The following ALG13 variants were observed in gnomAD, a reference collection of about 807,000 sequenced individuals.
The protein encoded by ALG13 is ALG13 UDP-N-acetylglucosaminyltransferase subunit.
A neutral mutation model predicts 87.8 loss-of-function variants in ALG13; 11 were observed. The observed-to-expected ratio is 0.13, with a 90% CI of 0.08 to 0.21. The LOEUF is 0.21. Among genes scored for constraint, ALG13 ranks in the 10% least tolerant of loss-of-function variants. The pLI, the probability that ALG13 is intolerant of heterozygous loss-of-function variation, is 1.00. For missense variants in ALG13, 756 were observed against 866.1 expected (o/e 0.87, Z 1.60); for synonymous variants, 320 against 306.3 (o/e 1.04, Z -0.47).
At chrX:111,740,035 G>A (rs147809209) in intron 23 of ALG13, among the ~76,000 whole-genome samples, 33 of 111,441 alleles carry the variant, frequency 3.0e-4, no homozygotes, top group African/African-American at 1.0e-3. Context: ...GACATAAGAC[G>A]TGATGGTAAG....
intron 3 of ALG13, chrX:111,689,856 T>C: frequency 1.3e-6 from 1 of 753,150 alleles, no homozygotes; most frequent in African/African-American, 2.3e-5. Flanking sequence ...CCTTGCAAGG[T>C]AGGTTTTGTT....
intron 3 of ALG13, chrX:111,688,341 GA>G: frequency 2.8e-6 from 2 of 716,312 alleles, no homozygotes; most frequent in Non-Finnish European, 3.3e-6. Flanking sequence ...ATACTCCTTA[GA>G]ATAAAAAAAT....
At chrX:111,759,711 A>T in intron 26 of ALG13, 23 bp from the exon 27 acceptor site, 1 of 1,174,132 alleles carries the variant, frequency 8.5e-7, no homozygotes, top group Non-Finnish European at 1.1e-6. Context: ...TATAAAGTAG[A>T]CTGTATACAT....
chrX:111,718,392 A>G (rs1180922099), intron 10 of ALG13, 118 bp downstream of exon 10: 1 of 542,690 alleles, frequency 1.8e-6, no homozygotes, highest in Non-Finnish European at 2.8e-6. Context: ...ACACGTACAC[A>G]TATGTTAGGA....
intron 19 of ALG13, 106 bp from the exon 20 acceptor site, chrX:111,730,289 A>G (rs1942533311): frequency 3.0e-6 from 2 of 668,669 alleles, no homozygotes; most frequent in African/African-American, 2.2e-5. Flanking sequence ...AGTTTTGAAC[A>G]TATAACCATA....
At chrX:111,727,868 T>A in intron 18 of ALG13, 98 bp downstream of exon 18, 1 of 900,733 alleles carries the variant, frequency 1.1e-6, no homozygotes, top group Admixed American at 4.0e-5. Flanking sequence ...TTTGTACAAA[T>A]AACCAAACAA....
At chrX:111,729,247 T>G (rs751786498) in intron 19 of ALG13, among the ~76,000 whole-genome samples, 1 of 111,748 alleles carries the variant, frequency 8.9e-6, no homozygotes, top group East Asian at 2.8e-4. Flanking sequence ...AATGTGTTTA[T>G]TTTTACCTTG....
intron 25 of ALG13, chrX:111,757,367 T>C: frequency 3.2e-6 from 1 of 315,384 alleles, no homozygotes; most frequent in Non-Finnish European, 5.5e-6. Context: ...CTAAAAGAAT[T>C]CTTAGGTTTA....
At position 111,757,578 on chromosome X, in the gene ALG13, C is replaced by T. The variant is rs1426077854; in HGVS notation, c.2974-10C>T. 1 of 1,163,197 alleles carries T rather than the reference C, an allele frequency of 8.6e-7. No individual in the cohort carries two copies. The highest frequency in any genetic ancestry group is 2.5e-5 in the Admixed American group (1 of 40,071). ...GTTTCTTATTTTTTTGTTGCCCTTT[C>T]TTGCTCAAGTGCTATTACCACAGCT... On this transcript the variant is annotated splice_polypyrimidine_tract_variant and intron_variant, in intron 25 of 26. Coordinates refer to ENST00000394780, the MANE Select transcript of ALG13 (RefSeq NM_001099922.3).
At chrX:111,711,255 C>T (rs190382301) in intron 5 of ALG13, among the ~76,000 whole-genome samples, 10 of 112,031 alleles carry the variant, frequency 8.9e-5, no homozygotes, top group African/African-American at 2.9e-4. Flanking sequence ...CTAAAAGGTT[C>T]GCTTGTCCCA....
chrX:111,684,638 T>C (rs1185005048), intron 2 of ALG13, among the ~76,000 whole-genome samples: 2 of 112,263 alleles, frequency 1.8e-5, no homozygotes, highest in Admixed American at 9.4e-5. Flanking sequence ...TTTCAACTTA[T>C]GATGGGGTTA....
At position 111,727,445 on chromosome X, in the gene ALG13, G is replaced by A. The variant is rs1416055334; in HGVS notation, c.2090G>A (p.Arg697His). 1 of 1,185,842 alleles carries A rather than the reference G, an allele frequency of 8.4e-7. No homozygotes were observed. The highest frequency in any genetic ancestry group is 3.0e-5 in the East Asian group (1 of 33,614). The change falls in exon 17 of 27, where the codon CGT (arginine) becomes CAT (histidine). Residue 697 changes from arginine to histidine, a missense_variant and splice_region_variant. By Grantham distance (29) the Arg-to-His change is conservative. This residue lies in a region of ALG13 where 362 missense variants were observed against 383.5 expected (regional missense o/e 0.94). Coordinates refer to ENST00000394780, the MANE Select transcript of ALG13 (RefSeq NM_001099922.3). ...QSYDNFSYRS[R>H]SFRRSHRQMS... ...TATGATAACTTCTCTTATAGATCTC[G>A]GTAAGTATTGTGTTGAAAGTCAGAG...
chrX:111,689,563 C>G (rs1166816121), intron 3 of ALG13: 1 of 752,130 alleles, frequency 1.3e-6, no homozygotes, highest in African/African-American at 2.3e-5. Flanking sequence ...GCAGTAACGC[C>G]TCTGACTTCC....
intron 24 of ALG13, among the ~76,000 whole-genome samples, chrX:111,749,336 T>G (rs2061671932): frequency 9.0e-6 from 1 of 111,136 alleles, no homozygotes; most frequent in Admixed American, 9.6e-5. Context: ...CTTTGGTGTT[T>G]TAGTCAAAAA....
chrX:111,740,887 C>T (rs1943683668), intron 23 of ALG13, among the ~76,000 whole-genome samples: 1 of 112,329 alleles, frequency 8.9e-6, no homozygotes, highest in South Asian at 3.7e-4. Flanking sequence ...TTTATTCTGC[C>T]TTCCTTATAT....
At chrX:111,684,913 G>A in intron 2 of ALG13, 52 bp from the exon 3 acceptor site, 2 of 1,123,419 alleles carry the variant, frequency 1.8e-6, no homozygotes, top group Non-Finnish European at 2.4e-6. Context: ...AGCTTCGTGG[G>A]GACCTTAACT....
At chrX:111,757,346 T>G (rs1264254319) in intron 25 of ALG13, 2 of 300,302 alleles carry the variant, frequency 6.7e-6, no homozygotes, top group Admixed American at 5.7e-5. Context: ...ACAGGTCTTT[T>G]AGATTATTTC....
intron 24 of ALG13, among the ~76,000 whole-genome samples, chrX:111,746,405 T>G (rs144212035): frequency 0.08 from 8,895 of 111,884 alleles, 895 homozygotes; most frequent in African/African-American, 0.27. Flanking sequence ...TTTTAGAATT[T>G]TATAGAAATG....
chrX:111,706,950 A>G (rs973434284), intron 3 of ALG13, among the ~76,000 whole-genome samples: 1 of 109,887 alleles, frequency 9.1e-6, no homozygotes, highest in African/African-American at 3.3e-5. Context: ...GGAAAAAACA[A>G]TTTTGAAAGC....
Sources: gnomAD v4.1 joint callset for allele counts (sites outside exome capture counted in the v4.1 genomes callset) on GRCh38, gnomAD v4.1.1 for gene constraint, gnomAD v4.1.1 regional missense constraint, MANE v1.5 for transcripts, NCBI Gene and HGNC (gene_info 2026-07-23, HGNC 2026-07-21) for gene names.